The following PTBP2 variants were observed in gnomAD, a reference collection of about 807,000 sequenced individuals.
The protein encoded by PTBP2 is polypyrimidine tract-binding protein 2.
In PTBP2, 13 loss-of-function variants were observed where a neutral mutation model predicts 61.4. The observed-to-expected ratio is 0.21, with a 90% confidence interval of 0.14 to 0.34. PTBP2 has a LOEUF of 0.34. Ranked by LOEUF, PTBP2 falls within the 10% of genes least tolerant of loss-of-function variation. PTBP2 has a pLI of 1.00. For synonymous variants in PTBP2, 215 were observed against 218.5 expected (o/e 0.98, Z 0.14); for missense variants, 405 against 642.6 (o/e 0.63, Z 4.00).
At chr1:96,730,935 GAT>G (rs1651309701) in intron 2 of PTBP2, among the ~76,000 whole-genome samples, 1 of 152,138 alleles carries the variant, frequency 6.6e-6, no homozygotes. Flanking sequence ...ATAGTTGCTT[GAT>G]TGTTTGGTGT....
At chr1:96,787,804 A>G (rs1659372366) in intron 8 of PTBP2, among the ~76,000 whole-genome samples, 1 of 152,212 alleles carries the variant, frequency 6.6e-6, no homozygotes, top group African/African-American at 2.4e-5. Flanking sequence ...CCTGCGTAGC[A>G]TGTTCATGGG....
chr1:96,816,749 CTT>C (rs1296079125), downstream of PTBP2: 2 of 152,118 alleles, frequency 1.3e-5, no homozygotes, highest in African/African-American at 4.8e-5. Flanking sequence ...GGACAAATCA[CTT>C]TTCAAAGCCT....
At chr1:96,734,826 T>C (rs1050462091) in intron 2 of PTBP2, among the ~76,000 whole-genome samples, 1 of 151,914 alleles carries the variant, frequency 6.6e-6, no homozygotes, top group Non-Finnish European at 1.5e-5. Flanking sequence ...GTCATGTTTT[T>C]CCCAGGAACA....
intron 2 of PTBP2, among the ~76,000 whole-genome samples, chr1:96,739,281 CTT>C (rs1378015631): frequency 5.9e-5 from 9 of 152,028 alleles, no homozygotes; most frequent in Non-Finnish European, 1.3e-4. Flanking sequence ...CGTTGCATAA[CTT>C]GATATAAATC....
chr1:96,732,242 TTGTG>T (rs1274521056), intron 2 of PTBP2, among the ~76,000 whole-genome samples: 3 of 152,182 alleles, frequency 2.0e-5, no homozygotes, highest in African/African-American at 4.8e-5. Context: ...TTGGTAATAG[TTGTG>T]TGTAACTGGT....
chr1:96,761,549 GAATGCAGGA>G (rs1655872413), intron 3 of PTBP2, among the ~76,000 whole-genome samples: 1 of 63,720 alleles, frequency 1.6e-5, no homozygotes, highest in Admixed American at 1.2e-4. Flanking sequence ...CTTGGAAGGA[GAATGCAGGA>G]AATGATAAAA....
chr1:96,755,043 A>C (rs1206490636), intron 3 of PTBP2, among the ~76,000 whole-genome samples: 1 of 152,226 alleles, frequency 6.6e-6, no homozygotes, highest in Non-Finnish European at 1.5e-5. Flanking sequence ...ACTGCTAGGG[A>C]ATGAAAAGAC....
intron 2 of PTBP2, among the ~76,000 whole-genome samples, chr1:96,748,193 G>A (rs960588306): frequency 3.2e-4 from 49 of 152,078 alleles, no homozygotes; most frequent in Admixed American, 3.9e-4. Flanking sequence ...AAAATGTTTG[G>A]TTAGTTCTCA....
At chr1:96,815,423 T>C (rs1278164397), downstream of PTBP2, 2 of 152,202 alleles carry the variant, frequency 1.3e-5, no homozygotes, top group African/African-American at 4.8e-5. Context: ...ATGATATACA[T>C]TCAAGTATTT....
chr1:96,806,307 C>T, intron 9 of PTBP2, 112 bp from the exon 10 acceptor site: 1 of 884,166 alleles, frequency 1.1e-6, no homozygotes, highest in Non-Finnish European at 1.9e-6. Context: ...CCATGACCAC[C>T]TCACCATTCT....
intron 1 of PTBP2, 113 bp downstream of exon 1, chr1:96,721,985 C>A: frequency 7.1e-7 from 1 of 1,400,200 alleles, no homozygotes; most frequent in Non-Finnish European, 9.9e-7. Flanking sequence ...GGCTGGGCTG[C>A]CGTTACCCAA....
rs1429376973 is a variant in PTBP2, at chr1:96,751,376, A to G, written c.40-49A>G. Reference sequence around the variant, plus strand: ...TTAAGTGAAAGGCTTTTAGATTAATATTTTTAAATTTAAAGATGTCTTATG... The same window carrying G: ...TTAAGTGAAAGGCTTTTAGATTAATGTTTTTAAATTTAAAGATGTCTTATG... On this transcript the variant is annotated intron_variant, in intron 2 of 13. Coordinates refer to ENST00000674951, the MANE Select transcript of PTBP2 (RefSeq NM_021190.4). 4 of 1,375,592 alleles carry G rather than the reference A, an allele frequency of 2.9e-6. No individual in the cohort carries two copies. In the Admixed American group the frequency reaches 6.8e-5, roughly 23 times the overall value. The allele number at this position is 1,375,592 out of a possible 1,614,324, so 85.2% of individuals were successfully genotyped here. A position where few individuals can be genotyped will look rare whatever the true frequency, so the allele number is the denominator to read the frequency against.
At position 96,777,917 on chromosome 1, in the gene PTBP2, G is replaced by T; in HGVS notation, c.679G>T (p.Asp227Tyr). ...NQFQALLQYG[D>Y]PVNAQQAKLA... is the part of the protein sequence containing the mutation. ...GTTTCAAGCTTTGCTCCAGTATGGT[G>T]ATCCAGTAAATGCTCAACAAGCAAA... Residue 227 changes from aspartate to tyrosine, a missense_variant, in exon 7 of 14, where the codon GAT becomes TAT. Physicochemically the swap from Asp to Tyr is radical, Grantham distance 160. This residue lies in a region of PTBP2 where 342 missense variants were observed against 491.2 expected (regional missense o/e 0.70). Transcript: ENST00000674951. The T allele has an allele frequency of 6.3e-7, 1 of 1,583,796 alleles. No homozygotes were observed. The highest frequency in any genetic ancestry group is 1.2e-5 in the South Asian group (1 of 83,494).
chr1:96,815,360 AAG>A (rs1662440804), downstream of PTBP2: 1 of 152,194 alleles, frequency 6.6e-6, no homozygotes, highest in African/African-American at 2.4e-5. Context: ...ACTGGGAAGA[AAG>A]AGCAGCATAT....
intron 2 of PTBP2, among the ~76,000 whole-genome samples, chr1:96,736,394 CAA>C (rs1262864436): frequency 6.6e-6 from 1 of 150,684 alleles, no homozygotes; most frequent in Non-Finnish European, 1.5e-5. Flanking sequence ...TAAATCATAA[CAA>C]TATGTGAGAG....
intron 3 of PTBP2, among the ~76,000 whole-genome samples, chr1:96,760,763 C>T (rs976142937): frequency 6.6e-5 from 10 of 152,060 alleles, no homozygotes; most frequent in African/African-American, 2.2e-4. Flanking sequence ...TATTTTCTTA[C>T]GGAGTTAAAC....
At chr1:96,799,579 T>G (rs1660771471) in intron 8 of PTBP2, among the ~76,000 whole-genome samples, 1 of 152,116 alleles carries the variant, frequency 6.6e-6, no homozygotes, top group Admixed American at 6.6e-5. Flanking sequence ...GTGTAAACAG[T>G]TTTTTCCTCA....
intron 2 of PTBP2, among the ~76,000 whole-genome samples, chr1:96,729,250 G>C (rs554950675): frequency 6.6e-6 from 1 of 152,244 alleles, no homozygotes; most frequent in Non-Finnish European, 1.5e-5. Context: ...TGGAACTCCT[G>C]ACCTCAAGTG....
intron 8 of PTBP2, among the ~76,000 whole-genome samples, chr1:96,791,831 T>TTTTGTTTTG (rs1292684787): frequency 1.9e-4 from 24 of 127,762 alleles, no homozygotes; most frequent in South Asian, 2.7e-4. Context: ...TTGTGCTTTT[T>TTTTGTTTTG]TTTTTTTTTT....
Sources: gnomAD v4.1 joint callset for allele counts (sites outside exome capture counted in the v4.1 genomes callset) on GRCh38, gnomAD v4.1.1 for gene constraint, gnomAD v4.1.1 regional missense constraint, MANE v1.5 for transcripts, NCBI Gene and HGNC (gene_info 2026-07-23, HGNC 2026-07-21) for gene names.